UNC13C: variants seen among roughly 807,000 people sequenced by gnomAD.
The protein encoded by UNC13C is protein unc-13 homolog C.
A neutral mutation model predicts 245.4 loss-of-function variants in UNC13C; 174 were observed. The observed-to-expected ratio is 0.71, with a 90% CI of 0.63 to 0.80. The LOEUF (loss-of-function observed/expected upper bound fraction) is 0.80, where lower values mean the gene tolerates loss of function less well. Among genes scored for constraint, UNC13C ranks in the 30% least tolerant of loss-of-function variants. The probability of loss-of-function intolerance (pLI) is 0.00; values close to 1 mark genes in which losing one functional copy is unlikely to be tolerated. For missense variants in UNC13C, 2,829 were observed against 2,602.9 expected (o/e 1.09, Z -1.89); for synonymous variants, 992 against 895.1 (o/e 1.11, Z -1.93).
At chr15:54,048,004 T>G (rs1897113970) in intron 2 of UNC13C, among the ~76,000 whole-genome samples, 1 of 152,140 alleles carries the variant, frequency 6.6e-6, no homozygotes, top group South Asian at 2.1e-4. Context: ...AACCAAGAAG[T>G]ACATAAATTA....
At chr15:53,990,405 T>C (rs1894333171) in intron 1 of UNC13C, among the ~76,000 whole-genome samples, 1 of 152,044 alleles carries the variant, frequency 6.6e-6, no homozygotes, top group Admixed American at 6.6e-5. Context: ...GGCTCTTCTG[T>C]CTTGCCCTCT....
intron 29 of UNC13C, among the ~76,000 whole-genome samples, chr15:54,556,667 A>G (rs887907628): frequency 6.6e-6 from 1 of 152,036 alleles, no homozygotes; most frequent in Non-Finnish European, 1.5e-5. Flanking sequence ...TTTTTAAATT[A>G]TTTTCAAAAA....
chr15:54,020,764 G>A (rs930067363), intron 2 of UNC13C, among the ~76,000 whole-genome samples: 6 of 151,842 alleles, frequency 4.0e-5, no homozygotes, highest in Non-Finnish European at 8.8e-5. Context: ...AAAGTCCTAG[G>A]GGATTTTCCT....
chr15:54,395,191 A>C (rs1288203141), intron 18 of UNC13C, among the ~76,000 whole-genome samples: 1 of 151,834 alleles, frequency 6.6e-6, no homozygotes, highest in East Asian at 1.9e-4. Context: ...TTCTCATTTA[A>C]TTTAATAAAT....
At chr15:53,915,182 C>A in the UNC13C span, among the ~76,000 whole-genome samples, 49,180 of 152,034 alleles carry the variant, frequency 0.32, 8,032 homozygotes, top group Admixed American at 0.39. Flanking sequence ...GACTCTGGTC[C>A]TACCTGGTTT....
chr15:54,558,710 C>G (rs1897185397), intron 29 of UNC13C, among the ~76,000 whole-genome samples: 1 of 151,904 alleles, frequency 6.6e-6, no homozygotes, highest in Non-Finnish European at 1.5e-5. Context: ...TGATCATCTG[C>G]TGCAGGTAGG....
intron 2 of UNC13C, among the ~76,000 whole-genome samples, chr15:54,129,638 TAATA>T (rs1298772509): frequency 2.0e-5 from 3 of 151,888 alleles, no homozygotes; most frequent in Non-Finnish European, 4.4e-5. Context: ...TTTGATAGTT[TAATA>T]GTCTTAGAAA....
chr15:54,542,156 G>A (rs1159731767), intron 26 of UNC13C, among the ~76,000 whole-genome samples: 1 of 152,004 alleles, frequency 6.6e-6, no homozygotes, highest in African/African-American at 2.4e-5. Context: ...GAATAAAAAG[G>A]GATCATTTGC....
At chr15:54,559,698 G>A (rs1486542793) in intron 29 of UNC13C, among the ~76,000 whole-genome samples, 1 of 151,948 alleles carries the variant, frequency 6.6e-6, no homozygotes, top group African/African-American at 2.4e-5. Flanking sequence ...CCCAGAGAAG[G>A]ACATTTGGGG....
intron 4 of UNC13C, among the ~76,000 whole-genome samples, chr15:54,169,620 C>T (rs2033311248): frequency 6.6e-6 from 1 of 152,170 alleles, no homozygotes; most frequent in South Asian, 2.1e-4. Flanking sequence ...CCTTCCTTTG[C>T]TGCACTGCCC....
chr15:54,221,428 T>C (rs937168124), intron 4 of UNC13C, among the ~76,000 whole-genome samples: 1 of 151,888 alleles, frequency 6.6e-6, no homozygotes, highest in African/African-American at 2.4e-5. Context: ...ATGGCTAATA[T>C]TTAGCAGGTG....
Position 54,592,666 on chromosome 15 carries a change from T to G in UNC13C, c.6106+24719T>G, listed in dbSNP as rs117187524. Among the ~76,000 whole-genome samples the G allele has an allele frequency of 9.0e-3, 1,372 of 152,262 alleles. 10 individuals carry two copies. Among genetic ancestry groups the G allele is most frequent in the Non-Finnish European group, 0.012 (794 of 67,996 alleles). ...GCATGAAATGCCTTTTTCTACCCCT[T>G]TAAGTTTATGTGAGCCCTTATGTGT... On this transcript the variant is annotated intron_variant, in intron 30 of 32. Coordinates refer to ENST00000260323, the MANE Select transcript of UNC13C (RefSeq NM_001080534.3).
intron 17 of UNC13C, among the ~76,000 whole-genome samples, chr15:54,356,598 G>C (rs976953400): frequency 1.3e-5 from 2 of 152,106 alleles, no homozygotes; most frequent in African/African-American, 2.4e-5. Context: ...CTAATGGAAG[G>C]GGCAAAAGCA....
At chr15:53,917,670 C>T in the UNC13C span, among the ~76,000 whole-genome samples, 1 of 152,160 alleles carries the variant, frequency 6.6e-6, no homozygotes, top group Non-Finnish European at 1.5e-5. Flanking sequence ...TTTCCCCACT[C>T]CACTCACCAC....
rs1397259897 is a variant in UNC13C, at chr15:54,500,186, A to T, written c.5157+11A>T. ...GACAAAAAAGATGGAGTGAGTTTAA[A>T]TTACCTTAAGAAAGTTCATTGCCAT... On this transcript the variant is annotated intron_variant, in intron 21 of 32. Transcript: ENST00000260323. The T allele has an allele frequency of 6.3e-7, 1 of 1,591,014 alleles. No homozygotes were observed. Among genetic ancestry groups the T allele is most frequent in the African/African-American group, 1.3e-5 (1 of 74,328 alleles).
chr15:54,458,743 C>T (rs1227523077), intron 19 of UNC13C, among the ~76,000 whole-genome samples: 1 of 127,508 alleles, frequency 7.8e-6, no homozygotes, highest in African/African-American at 2.9e-5. Context: ...GATTCCATTT[C>T]CATGGAATAT....
At chr15:54,583,248 TA>T (rs2141242611) in intron 30 of UNC13C, among the ~76,000 whole-genome samples, 1 of 152,222 alleles carries the variant, frequency 6.6e-6, no homozygotes, top group African/African-American at 2.4e-5. Flanking sequence ...AACCTCTAGA[TA>T]AAAGAAACAC....
intron 30 of UNC13C, among the ~76,000 whole-genome samples, chr15:54,607,784 A>G (rs375052473): frequency 6.6e-6 from 1 of 152,106 alleles, no homozygotes; most frequent in Non-Finnish European, 1.5e-5. Flanking sequence ...AAACAAGCAG[A>G]TCTCTTGAGA....
chr15:54,256,942 G>A (rs529917829), intron 8 of UNC13C, among the ~76,000 whole-genome samples: 39 of 152,298 alleles, frequency 2.6e-4, no homozygotes, highest in African/African-American at 8.7e-4. Flanking sequence ...GGGTGACCAC[G>A]TCTAAGTTTG....
Sources: gnomAD v4.1 joint callset for allele counts (sites outside exome capture counted in the v4.1 genomes callset) on GRCh38, gnomAD v4.1.1 for gene constraint, MANE v1.5 for transcripts, NCBI Gene and HGNC (gene_info 2026-07-23, HGNC 2026-07-21) for gene names.